Variants in SLC2A9 observed in about 807,000 individuals in gnomAD.
SLC2A9 encodes solute carrier family 2, facilitated glucose transporter member 9.
Under a neutral mutation model 50.6 loss-of-function variants are expected in SLC2A9, and 39 were observed. That is an observed-to-expected ratio of 0.77 (90% confidence interval 0.60 to 1.01). SLC2A9 has a LOEUF of 1.01. SLC2A9 is among the 50% of genes least tolerant of loss of function. SLC2A9 has a pLI of 0.00. For synonymous variants in SLC2A9, 324 were observed against 276.9 expected (o/e 1.17, Z -1.69); for missense variants, 686 against 677.6 (o/e 1.01, Z -0.14).
intron 9 of SLC2A9, among the ~76,000 whole-genome samples, chr4:9,889,562 G>A (rs1321700825): frequency 6.6e-6 from 1 of 152,196 alleles, no homozygotes; most frequent in Non-Finnish European, 1.5e-5. Context: ...TGAAGGCAAT[G>A]CTTCCACCTC....
At chr4:9,968,317 A>T (rs543305245) in intron 5 of SLC2A9, among the ~76,000 whole-genome samples, 11 of 152,312 alleles carry the variant, frequency 7.2e-5, no homozygotes, top group African/African-American at 2.6e-4. Context: ...TGTGCAGTTC[A>T]TACTACATTG....
chr4:9,884,098 G>T (rs1577689401), intron 10 of SLC2A9, among the ~76,000 whole-genome samples: 1 of 152,174 alleles, frequency 6.6e-6, no homozygotes, highest in African/African-American at 2.4e-5. Flanking sequence ...AGCCATGGGT[G>T]GTTCTATGAG....
chr4:9,907,487 G>A (rs1009682242), intron 8 of SLC2A9, among the ~76,000 whole-genome samples: 20 of 152,178 alleles, frequency 1.3e-4, no homozygotes, highest in Admixed American at 9.8e-4. Flanking sequence ...TGAACATATT[G>A]GCTTATTATT....
intron 3 of SLC2A9, among the ~76,000 whole-genome samples, chr4:9,785,173 G>C (rs1194275850): frequency 6.6e-6 from 1 of 152,166 alleles, no homozygotes; most frequent in Non-Finnish European, 1.5e-5. Flanking sequence ...GCATGACCTT[G>C]AGTGAGTCAA....
chr4:9,896,763 AG>A (rs1377216529), intron 8 of SLC2A9, among the ~76,000 whole-genome samples: 4 of 152,196 alleles, frequency 2.6e-5, no homozygotes, highest in Non-Finnish European at 4.4e-5. Flanking sequence ...TGGTATAATA[AG>A]GGTTGCCATT....
intron 6 of SLC2A9, among the ~76,000 whole-genome samples, chr4:9,941,088 G>A (rs1202208275): frequency 6.6e-6 from 1 of 152,182 alleles, no homozygotes; most frequent in East Asian, 1.9e-4. Context: ...GGATGTGAAG[G>A]TAGTGCTGGT....
Position 9,783,501 on chromosome 4 carries a change from G to T in SLC2A9, n.386-3436C>A, listed in dbSNP as rs768674099. ...AACCCCCTCATGGATCTGCATAACC[G>T]CACAGACATTGACAAGCACGCACAC... On this transcript the variant is annotated intron_variant and non_coding_transcript_variant, in intron 3 of 3. Transcript: ENST00000503803. 43 of 1,547,366 alleles carry T rather than the reference G, an allele frequency of 2.8e-5. No homozygotes were observed. The Admixed American group carries it at 3.7e-4, about 13-fold the overall frequency.
At chr4:9,924,575 C>G (rs1202163112) in intron 6 of SLC2A9, among the ~76,000 whole-genome samples, 3 of 152,168 alleles carry the variant, frequency 2.0e-5, no homozygotes, top group Non-Finnish European at 4.4e-5. Flanking sequence ...AGTGATGCTT[C>G]CTCAATTGTA....
chr4:9,841,047 T>C (rs974304055), intron 10 of SLC2A9, among the ~76,000 whole-genome samples: 1 of 152,162 alleles, frequency 6.6e-6, no homozygotes, highest in Non-Finnish European at 1.5e-5. Context: ...GTCCCTCCCC[T>C]GACATGTGGG....
chr4:9,958,694 A>G (rs1389947824), intron 5 of SLC2A9, among the ~76,000 whole-genome samples: 1 of 152,156 alleles, frequency 6.6e-6, no homozygotes, highest in Non-Finnish European at 1.5e-5. Context: ...GGATCCAGGA[A>G]CCAGTGGTTT....
chr4:10,033,695 C>T (rs775134006), intron 1 of SLC2A9, among the ~76,000 whole-genome samples: 45 of 152,176 alleles, frequency 3.0e-4, no homozygotes, highest in African/African-American at 2.7e-4. Context: ...TCTCTGCACT[C>T]GCCTGCTTAC....
At position 10,029,548 on chromosome 4, in the gene SLC2A9, A is replaced by ATATTTTATTTTATTT. The variant is rs60939014; in HGVS notation, c.-40-3557_-40-3543dup. ...TTGTTGGACAAGAGGAATTTTTTAA[A>ATATTTTATTTTATTT]TATTTTATTTTATTTTATTTATTTT... On this transcript the variant is annotated intron_variant, in intron 1 of 12. Coordinates refer to the SLC2A9 transcript ENST00000309065. 1.9e-3 allele frequency among the ~76,000 whole-genome samples: 241 copies of ATATTTTATTTTATTT among 125,246 alleles called. 1 individual carries two copies. Among genetic ancestry groups the ATATTTTATTTTATTT allele is most frequent in the Admixed American group, 6.4e-3 (88 of 13,754 alleles). 82.2% of individuals were successfully genotyped at this position (125,246 alleles called of 152,430 possible).
At chr4:9,945,155 C>T (rs955778044) in intron 5 of SLC2A9, among the ~76,000 whole-genome samples, 5 of 152,242 alleles carry the variant, frequency 3.3e-5, no homozygotes, top group Non-Finnish European at 7.3e-5. Context: ...AGGATCAGGG[C>T]AACCTAGTGA....
chr4:9,923,576 C>T (rs923270259), intron 6 of SLC2A9, among the ~76,000 whole-genome samples: 8 of 152,120 alleles, frequency 5.3e-5, no homozygotes, highest in East Asian at 1.9e-4. Flanking sequence ...CGGCATGGCA[C>T]GGCTCACGCT....
At chr4:9,813,898 C>T (rs1326087014) in intron 3 of SLC2A9, among the ~76,000 whole-genome samples, 1 of 152,010 alleles carries the variant, frequency 6.6e-6, no homozygotes, top group Non-Finnish European at 1.5e-5. Flanking sequence ...GAATTCAAGA[C>T]CAGCCTGGCC....
intron 10 of SLC2A9, among the ~76,000 whole-genome samples, chr4:9,870,363 G>A (rs553336991): frequency 6.6e-6 from 1 of 152,230 alleles, no homozygotes; most frequent in African/African-American, 2.4e-5. Context: ...ACAGTGAAGA[G>A]GAAGACAGCT....
At chr4:9,974,375 C>G (rs1349128658) in intron 5 of SLC2A9, among the ~76,000 whole-genome samples, 1 of 152,050 alleles carries the variant, frequency 6.6e-6, no homozygotes, top group Non-Finnish European at 1.5e-5. Flanking sequence ...AAAGACTCCA[C>G]CAAAAGTCTC....
At position 9,908,334 on chromosome 4, in the gene SLC2A9, A is replaced by G. The variant is rs778725193; in HGVS notation, c.1014T>C (p.Tyr338=). Residue 338 remains tyrosine, a synonymous_variant, in exon 8 of 12, where the codon TAT becomes TAC. Coordinates refer to ENST00000264784, the MANE Select transcript of SLC2A9 (RefSeq NM_020041.3). ...QLCGLNAIWF[Y]TNSIFGKAGI... ...CAGCTTTTCCAAAGATGCTGTTGGT[A>G]TAGAACCAAATCTGTAATTCAGGAA... The G allele has an allele frequency of 1.9e-6, 3 of 1,606,500 alleles. No individual in the cohort carries two copies. The highest frequency in any genetic ancestry group is 2.6e-6 in the Non-Finnish European group (3 of 1,172,890).
chr4:9,984,986 C>A (rs1756468086), intron 4 of SLC2A9, among the ~76,000 whole-genome samples: 1 of 152,210 alleles, frequency 6.6e-6, no homozygotes, highest in Admixed American at 6.5e-5. Context: ...GCCATGCCTC[C>A]TTCCGCCTCT....
Sources: allele counts gnomAD v4.1 joint callset (sites outside exome capture counted in the v4.1 genomes callset), GRCh38; gene constraint gnomAD v4.1.1; transcripts MANE v1.5; gene names NCBI Gene and HGNC (gene_info 2026-07-23, HGNC 2026-07-21).